Variants in CAPRIN2 observed in about 807,000 individuals in gnomAD.
The protein encoded by CAPRIN2 is caprin-2.
Under a neutral mutation model 130.4 loss-of-function variants are expected in CAPRIN2, and 66 were observed. That is an observed-to-expected ratio of 0.51 (90% CI 0.42 to 0.62). The LOEUF (loss-of-function observed/expected upper bound fraction) is 0.62, where lower values mean the gene tolerates loss of function less well. CAPRIN2 is among the 20% of genes least tolerant of loss of function. The probability of loss-of-function intolerance (pLI) is 0.00; values close to 1 mark genes in which losing one functional copy is unlikely to be tolerated. For synonymous variants in CAPRIN2, 471 were observed against 444.1 expected (o/e 1.06, Z -0.76); for missense variants, 1,185 against 1,246.6 (o/e 0.95, Z 0.74).
chr12:30,735,583 T>C lies in CAPRIN2; in HGVS notation c.571-377A>G, dbSNP rs181989970. Among the ~76,000 whole-genome samples, 27 of 152,294 alleles carry C rather than the reference T, an allele frequency of 1.8e-4. No homozygotes were observed. In the East Asian group the frequency reaches 5.0e-3, roughly 28 times the overall value. ...TTTAGGATTTTTTTTAAATTTCATATTCCAGGGGAAAAAATATTTAAACTA... is the reference window on the plus strand; with the variant it reads ...TTTAGGATTTTTTTTAAATTTCATACTCCAGGGGAAAAAATATTTAAACTA... On this transcript the variant is annotated intron_variant, in intron 3 of 16. Coordinates refer to ENST00000298892, the Ensembl canonical transcript of CAPRIN2.
Position 30,735,209 on chromosome 12 carries a change from G to A in CAPRIN2, c.571-3C>T, listed in dbSNP as rs1342863219. On this transcript the variant is annotated splice_region_variant and splice_polypyrimidine_tract_variant and intron_variant, in intron 3 of 16. Transcript: ENST00000298892. Reference sequence around the variant, plus strand: ...GCCTTCTTTTGCGCTTTTAGTAGCTGTTAAAACAAATGGCTAATTAAGGGT... The same window carrying A: ...GCCTTCTTTTGCGCTTTTAGTAGCTATTAAAACAAATGGCTAATTAAGGGT... 1.2e-6 allele frequency: 2 copies of A among 1,608,182 alleles called. No homozygotes were observed. Among genetic ancestry groups the A allele is most frequent in the South Asian group, 1.1e-5 (1 of 90,928 alleles).
At chr12:30,748,579 C>A (rs2071933728) in intron 2 of CAPRIN2, among the ~76,000 whole-genome samples, 2 of 152,220 alleles carry the variant, frequency 1.3e-5, no homozygotes, top group South Asian at 4.1e-4. Context: ...TTATTGCAAT[C>A]TTCACTTTAT....
intron 11 of CAPRIN2, 56 bp from the exon 13 acceptor site, chr12:30,720,971 T>C (rs1431086558): frequency 7.9e-7 from 1 of 1,266,528 alleles, no homozygotes; most frequent in Non-Finnish European, 1.2e-6. Flanking sequence ...CACTTTATAT[T>C]TCTTGGGCCC....
In CAPRIN2 at chr12:30,738,180, C is replaced by G. The variant is rs368849899; in HGVS notation, c.570+2840G>C. ...CAGGGTCTTGATTCAGTAAGGCAAC[C>G]TCCAAAGTACTTTATCATGTCACCT... is the stretch of plus-strand genomic sequence containing the variant. On this transcript the variant is annotated intron_variant, in intron 3 of 16. Coordinates refer to ENST00000298892, the Ensembl canonical transcript of CAPRIN2. Among the ~76,000 whole-genome samples, 439 of 152,042 alleles carry G rather than the reference C, an allele frequency of 2.9e-3. 2 individuals are homozygous for G. The highest frequency in any genetic ancestry group is 9.9e-3 in the African/African-American group (411 of 41,446).
In CAPRIN2 at chr12:30,710,833, A is replaced by G. The variant is rs2054141411; in HGVS notation, c.2666-363T>C. Among the ~76,000 whole-genome samples, 3 of 152,226 alleles carry G rather than the reference A, an allele frequency of 2.0e-5. No individual in the cohort carries two copies. The highest frequency in any genetic ancestry group is 2.0e-4 in the Admixed American group (3 of 15,288). On this transcript the variant is annotated intron_variant, in intron 16 of 16. Coordinates refer to ENST00000298892, the Ensembl canonical transcript of CAPRIN2. This position sits in a 1 kb window ranked among gnomAD's most constrained non-coding sequence, Gnocchi z 4.8. Reference sequence around the variant, plus strand: ...CAGAGGTCATTCTACAAAGCACCTAATGTAGAAGGTCTCAAGAAAATGGAG... The same window carrying G: ...CAGAGGTCATTCTACAAAGCACCTAGTGTAGAAGGTCTCAAGAAAATGGAG...
chr12:30,728,531 G>A, intron 8 of CAPRIN2, 117 bp downstream of exon 9: 1 of 807,972 alleles, frequency 1.2e-6, no homozygotes, highest in Non-Finnish European at 1.9e-6. Context: ...CTCCAGCCTG[G>A]GTAACAGAGT....
chr12:30,728,433 T>C (rs1435729321), intron 8 of CAPRIN2: 1 of 479,400 alleles, frequency 2.1e-6, no homozygotes, highest in Admixed American at 3.9e-5. Context: ...CATGCGCCTG[T>C]AGTCCCAGCT....
chr12:30,741,135 T>G, intron 2 of CAPRIN2, 29 bp from the exon 4 acceptor site: 2 of 1,319,728 alleles, frequency 1.5e-6, no homozygotes, highest in Non-Finnish European at 2.2e-6. Flanking sequence ...AAACATAAAT[T>G]TTGTGACTGT....
intron 2 of CAPRIN2, among the ~76,000 whole-genome samples, chr12:30,744,521 A>G (rs529532852): frequency 6.6e-6 from 1 of 152,132 alleles, no homozygotes; most frequent in Non-Finnish European, 1.5e-5. Context: ...TACGCATGCA[A>G]GCATCTGCCT....
Position 30,715,268 on chromosome 12 carries a change from A to G in CAPRIN2, c.2318-127T>C. The G allele has an allele frequency of 1.3e-5, 9 of 689,268 alleles. No individual in the cohort carries two copies. The South Asian group carries it at 1.6e-4, about 13-fold the overall frequency. The allele number at this position is 689,268 out of a possible 1,614,324, so 42.7% of individuals were successfully genotyped here. ...TTAAAAATAAATAGGAGATACATATATTCATGTATATAATTCATCTACATG... is the reference window on the plus strand; with the variant it reads ...TTAAAAATAAATAGGAGATACATATGTTCATGTATATAATTCATCTACATG... On this transcript the variant is annotated intron_variant, in intron 13 of 16. Transcript: ENST00000298892.
chr12:30,738,907 A>C (rs1304923322), intron 3 of CAPRIN2, among the ~76,000 whole-genome samples: 1 of 152,206 alleles, frequency 6.6e-6, no homozygotes, highest in African/African-American at 2.4e-5. Context: ...AAACTGACAA[A>C]TGCTGTCAAG....
At chr12:30,743,954 C>T (rs2139311238) in intron 2 of CAPRIN2, among the ~76,000 whole-genome samples, 1 of 152,270 alleles carries the variant, frequency 6.6e-6, no homozygotes, top group South Asian at 2.1e-4. Flanking sequence ...TGGTACCAGA[C>T]ACTGATGTCT....
In CAPRIN2 at chr12:30,724,358, A is replaced by C. The variant is rs184061767; in HGVS notation, c.1987+12T>G. On this transcript the variant is annotated intron_variant, in intron 10 of 16. Coordinates refer to ENST00000298892, the Ensembl canonical transcript of CAPRIN2. ...AAGACGTTTGCTCCAAGTCTTTAGA[A>C]TGATTACATACCTACGGGGCTACCT... 81 of 1,566,044 alleles carry C rather than the reference A, an allele frequency of 5.2e-5. No homozygotes were observed. The highest frequency in any genetic ancestry group is 1.0e-4 in the Admixed American group (6 of 59,866).
intron 4 of CAPRIN2, among the ~76,000 whole-genome samples, chr12:30,734,028 G>T (rs2063601253): frequency 6.6e-6 from 1 of 152,130 alleles, no homozygotes; most frequent in Non-Finnish European, 1.5e-5. Flanking sequence ...CTACATAAAA[G>T]AACAGTGAAA....
At chr12:30,748,881 A>G (rs2072158298) in intron 2 of CAPRIN2, among the ~76,000 whole-genome samples, 1 of 152,226 alleles carries the variant, frequency 6.6e-6, no homozygotes, top group Non-Finnish European at 1.5e-5. Context: ...ACAGCAATGA[A>G]CAGACAAAAT....
At chr12:30,737,325 G>A (rs1592191400) in intron 3 of CAPRIN2, among the ~76,000 whole-genome samples, 1 of 151,972 alleles carries the variant, frequency 6.6e-6, no homozygotes, top group Non-Finnish European at 1.5e-5. Context: ...ATGATGACAG[G>A]GACTATATCT....
rs781270066 is a variant in CAPRIN2 at position 30,730,298 on chromosome 12, G to T, written c.1061-16C>A. ...ATTAGAGACTCTGGGATGATAAAAA[G>T]AATCTGAATAAATACTAGGTGAACT... is the stretch of plus-strand genomic sequence containing the variant. On this transcript the variant is annotated splice_polypyrimidine_tract_variant and intron_variant, in intron 6 of 16. Coordinates refer to ENST00000298892, the Ensembl canonical transcript of CAPRIN2. 2.5e-6 allele frequency: 4 copies of T among 1,588,032 alleles called. No homozygotes were observed. Among genetic ancestry groups the T allele is most frequent in the Non-Finnish European group, 3.5e-6 (4 of 1,156,568 alleles).
intron 2 of CAPRIN2, 41 bp downstream of exon 3, chr12:30,751,030 G>C: frequency 1.4e-6 from 2 of 1,451,860 alleles, no homozygotes; most frequent in Non-Finnish European, 1.9e-6. Flanking sequence ...ATTAAGAAAA[G>C]AAAACCAGCA....
chr12:30,753,307 G>A (rs1290951098), intron 1 of CAPRIN2, 37 bp downstream of exon 2: 2 of 1,515,678 alleles, frequency 1.3e-6, no homozygotes, highest in South Asian at 2.5e-5. Flanking sequence ...TAATCTTTAA[G>A]ATCATGCATC....
Sources: gnomAD v4.1 joint callset for allele counts (sites outside exome capture counted in the v4.1 genomes callset) on GRCh38, gnomAD v4.1.1 for gene constraint, Gnocchi (gnomAD v3.1) non-coding constraint, MANE v1.5 for transcripts, NCBI Gene and HGNC (gene_info 2026-07-23, HGNC 2026-07-21) for gene names.